Variants in NRXN2 observed in about 807,000 individuals in gnomAD.
NRXN2 encodes neurexin 2, also known as neurexin-2-beta.
A neutral mutation model predicts 128.8 loss-of-function variants in NRXN2; 29 were observed. That is an observed-to-expected ratio of 0.23 (90% CI 0.17 to 0.31). The LOEUF (loss-of-function observed/expected upper bound fraction) is 0.31. Among genes scored for constraint, NRXN2 ranks in the 10% least tolerant of loss-of-function variants. The pLI, the probability that NRXN2 is intolerant of heterozygous loss-of-function variation, is 1.00. For synonymous variants in NRXN2, 1,098 were observed against 1,075.2 expected (o/e 1.02, Z -0.41); for missense variants, 1,881 against 2,452.6 (o/e 0.77, Z 4.92).
Position 64,697,931 on chromosome 11 carries a change from T to A in NRXN2, c.731-139A>T, listed in dbSNP as rs471618. On this transcript the variant is annotated intron_variant, in intron 2 of 22. Coordinates refer to ENST00000265459, the MANE Select transcript of NRXN2 (RefSeq NM_015080.4). ...CCAGGCCCTGACATGAGTCACCCAA[T>A]GTGGAAGGCCCAAATCTCAAGAAAC... 7 of 914,788 alleles carry A rather than the reference T, an allele frequency of 7.7e-6. No homozygotes were observed. In the Admixed American group the frequency reaches 1.0e-4, roughly 13 times the overall value. The allele number at this position is 914,788 out of a possible 1,614,324, so 56.7% of individuals were successfully genotyped here.
At chr11:64,642,941 G>A in intron 17 of NRXN2, 1 of 1,022,780 alleles carries the variant, frequency 9.8e-7, no homozygotes, top group African/African-American at 1.7e-5. Context: ...CAGGGCCCAA[G>A]CCTCGGTCCG....
At chr11:64,691,644 C>T (rs2053817114) in intron 4 of NRXN2, among the ~76,000 whole-genome samples, 1 of 152,318 alleles carries the variant, frequency 6.6e-6, no homozygotes, top group East Asian at 1.9e-4. Flanking sequence ...AGGGGAGCCA[C>T]AGCCAGCACC....
intron 5 of NRXN2, among the ~76,000 whole-genome samples, chr11:64,689,764 G>A (rs1417911329): frequency 1.3e-5 from 2 of 152,190 alleles, no homozygotes; most frequent in Admixed American, 6.5e-5. Flanking sequence ...AGACGAAAGA[G>A]ACACACCAAG....
intron 6 of NRXN2, among the ~76,000 whole-genome samples, chr11:64,678,429 G>A (rs1196054435): frequency 1.3e-5 from 2 of 152,040 alleles, no homozygotes; most frequent in Admixed American, 1.3e-4. Context: ...GAATTGGTAA[G>A]GCCATCCCAG....
chr11:64,661,032 G>A lies in NRXN2; in HGVS notation c.1906C>T (p.Arg636Trp), dbSNP rs541773025. ...LYLGGLPEGG[R>W]VDLPLPPEVW... is the part of the protein sequence containing the mutation. ...TCTGGGGGCAGGGGCAGGTCCACCC[G>A]GCCCCCCTCAGGGAGACCGCCCAGG... The change falls in exon 10 of 23, where the codon CGG becomes TGG. Residue 636 changes from arginine to tryptophan, a missense_variant. Arg to Trp is a moderately radical substitution (Grantham distance 101). Coordinates refer to ENST00000265459, the MANE Select transcript of NRXN2 (RefSeq NM_015080.4). 3.9e-5 allele frequency: 63 copies of A among 1,613,430 alleles called. No homozygotes were observed. The highest frequency in any genetic ancestry group is 1.6e-4 in the Middle Eastern group (1 of 6,062).
chr11:64,698,880 C>G (rs563372639), intron 2 of NRXN2, among the ~76,000 whole-genome samples: 1 of 152,226 alleles, frequency 6.6e-6, no homozygotes, highest in African/African-American at 2.4e-5. Flanking sequence ...ATGTGCCCAC[C>G]TCCTGGGAGC....
At position 64,649,576 on chromosome 11, in the gene NRXN2, G is replaced by A. The variant is rs1331871853; in HGVS notation, c.3110-669C>T. 4.6e-5 allele frequency among the ~76,000 whole-genome samples: 7 copies of A among 152,288 alleles called. No individual in the cohort carries two copies. In the East Asian group the frequency reaches 1.2e-3, roughly 25 times the overall value. On this transcript the variant is annotated intron_variant, in intron 15 of 22. Transcript: ENST00000265459. The stretch of plus-strand genomic sequence containing the variant: ...ACCCCCGGGGTTTGGGGCCACTTTG[G>A]ATTCTCTGTGACACATCGCCCCCTT...
Position 64,667,289 on chromosome 11 carries a change from C to T in NRXN2, c.1759G>A (p.Glu587Lys), listed in dbSNP as rs1238286270. 1.9e-6 allele frequency: 3 copies of T among 1,614,240 alleles called. No homozygotes were observed. Among genetic ancestry groups the T allele is most frequent in the African/African-American group, 1.3e-5 (1 of 75,062 alleles). ...RASSRKVNDG[E>K]WCHVDFQRDG... ...CTCTGGAAGTCCACGTGACACCACT[C>T]GCCATCATTGACCTTGCGGCTGGAT... is the stretch of plus-strand genomic sequence containing the variant. Residue 587 changes from glutamate to lysine, a missense_variant, in exon 9 of 23, where the codon GAG (glutamate) becomes AAG (lysine). Glu to Lys is a moderately conservative substitution (Grantham distance 56). Around this residue, in one of 7 missense-constraint regions of NRXN2, gnomAD observed 997 missense variants for 1,240.8 expected, o/e 0.80. Transcript: ENST00000265459. The surrounding 1 kb of genome is among the most constrained non-coding windows in gnomAD (Gnocchi z 5.6).
chr11:64,646,778 C>T (rs1591767452), intron 17 of NRXN2, among the ~76,000 whole-genome samples: 1 of 148,160 alleles, frequency 6.7e-6, no homozygotes, highest in East Asian at 2.0e-4. Flanking sequence ...GGGAAGAGGT[C>T]CAGCCACAGC....
chr11:64,612,217 C>T lies in NRXN2; in HGVS notation c.4253-4135G>A, dbSNP rs182266953. ...GGACCTGGAGGAGGGGAGGACCGGG[C>T]TCCTCAAAGACTCCTCCCTGCCAAA... On this transcript the variant is annotated intron_variant, in intron 22 of 22. Transcript: ENST00000265459. 3.3e-5 allele frequency among the ~76,000 whole-genome samples: 5 copies of T among 152,222 alleles called. No homozygotes were observed. The East Asian group carries it at 9.7e-4, about 29-fold the overall frequency.
At chr11:64,611,604 G>A (rs935299622) in intron 22 of NRXN2, among the ~76,000 whole-genome samples, 2 of 152,188 alleles carry the variant, frequency 1.3e-5, no homozygotes, top group African/African-American at 4.8e-5. Flanking sequence ...TTCAGGCCTT[G>A]GACCACAAAC....
chr11:64,711,738 C>T (rs1592293028), intron 2 of NRXN2, among the ~76,000 whole-genome samples: 2 of 152,172 alleles, frequency 1.3e-5, no homozygotes, highest in African/African-American at 4.8e-5. Context: ...TTCCACGCCC[C>T]GTCTGTCATC....
Position 64,685,634 on chromosome 11 carries a change from C to T in NRXN2, c.1152+12G>A. ...TATAGCTAATCCCTGGCCTTCTTCT[C>T]ACTCCTCCTACCTGGCGCAGGTTTC... is the stretch of plus-strand genomic sequence containing the variant. On this transcript the variant is annotated intron_variant, in intron 6 of 22. Transcript: ENST00000265459. 6.2e-7 allele frequency: 1 copy of T among 1,614,226 alleles called. No individual in the cohort carries two copies. Among genetic ancestry groups the T allele is most frequent in the Non-Finnish European group, 8.5e-7 (1 of 1,180,056 alleles).
chr11:64,651,111 T>C lies in NRXN2; in HGVS notation c.2918+144A>G. ...CTCCATCTTGGCTGAAGAGGGAGCC[T>C]CTCGACTTACGGTCGGGGACCTGAA... On this transcript the variant is annotated intron_variant, in intron 14 of 22. Transcript: ENST00000265459. This position sits in a 1 kb window ranked among gnomAD's most constrained non-coding sequence, Gnocchi z 5.9. The C allele has an allele frequency of 8.8e-7, 1 of 1,132,900 alleles. No individual in the cohort carries two copies. Among genetic ancestry groups the C allele is most frequent in the East Asian group, 2.4e-5 (1 of 42,212 alleles). The allele number at this position is 1,132,900 out of a possible 1,614,324, so 70.2% of individuals were successfully genotyped here.
At position 64,652,255 on chromosome 11, in the gene NRXN2, T is replaced by A. The variant is rs2047571426; in HGVS notation, c.2417-101A>T. On this transcript the variant is annotated intron_variant, in intron 12 of 22. Transcript: ENST00000265459. Reference sequence around the variant, plus strand: ...CAGACAGCCTCCCCATCCCCGCACATGCCACACATGAACACATACATGACC... The same window carrying A: ...CAGACAGCCTCCCCATCCCCGCACAAGCCACACATGAACACATACATGACC... The A allele has an allele frequency of 3.5e-6, 5 of 1,441,210 alleles. No individual in the cohort carries two copies. The African/African-American group carries it at 5.6e-5, about 16-fold the overall frequency. The allele number at this position is 1,441,210 out of a possible 1,614,324, so 89.3% of individuals were successfully genotyped here. A position where few individuals can be genotyped will look rare whatever the true frequency, so the allele number is the denominator to read the frequency against.
chr11:64,677,832 T>C (rs2051567892), intron 6 of NRXN2, among the ~76,000 whole-genome samples: 1 of 152,218 alleles, frequency 6.6e-6, no homozygotes, highest in Non-Finnish European at 1.5e-5. Flanking sequence ...AAGTTGGTGC[T>C]GGCCAACTGG....
chr11:64,690,198 G>A (rs539378770), intron 5 of NRXN2, among the ~76,000 whole-genome samples: 5 of 152,242 alleles, frequency 3.3e-5, no homozygotes, highest in Non-Finnish European at 7.3e-5. Flanking sequence ...TGGGCTTTGC[G>A]AAAGAAATGG....
chr11:64,642,404 T>C (rs2135417023), intron 17 of NRXN2: 1 of 1,304,892 alleles, frequency 7.7e-7, no homozygotes, highest in East Asian at 2.9e-5. Flanking sequence ...GTGAAGGGGC[T>C]CCGGGACGCA....
chr11:64,620,493 G>C, intron 21 of NRXN2, 121 bp from the exon 22 acceptor site: 1 of 771,052 alleles, frequency 1.3e-6, no homozygotes, highest in South Asian at 1.5e-5. Flanking sequence ...GGACCAGACT[G>C]GTCTGAGTCC....
Sources: gnomAD v4.1 joint callset for allele counts (sites outside exome capture counted in the v4.1 genomes callset) on GRCh38, gnomAD v4.1.1 for gene constraint, gnomAD v4.1.1 regional missense constraint, Gnocchi (gnomAD v3.1) non-coding constraint, MANE v1.5 for transcripts, NCBI Gene and HGNC (gene_info 2026-07-23, HGNC 2026-07-21) for gene names.